Variants in CTBP1 observed in about 807,000 individuals in gnomAD.
CTBP1 encodes C-terminal binding protein 1, also known as C-terminal-binding protein 1.
A neutral mutation model predicts 42.1 loss-of-function variants in CTBP1; 11 were observed. That is an observed-to-expected ratio of 0.26 (90% confidence interval 0.16 to 0.43). CTBP1 has a LOEUF of 0.43. CTBP1 is among the 20% of genes least tolerant of loss of function. The pLI is 1.00. For synonymous variants in CTBP1, 324 were observed against 277.1 expected (o/e 1.17, Z -1.68); for missense variants, 399 against 624.3 (o/e 0.64, Z 3.85).
rs767750268 is a variant in CTBP1 at position 1,212,224 on chromosome 4, G to A, written c.*16C>T. ...GCCCTCTGCCCAGGCGCCGAGGCTGGAGAGCTCCTCCCGGGCTACAACTGG... is the reference window on the plus strand; with the variant it reads ...GCCCTCTGCCCAGGCGCCGAGGCTGAAGAGCTCCTCCCGGGCTACAACTGG... On this transcript the variant is annotated 3_prime_UTR_variant, in exon 10 of 10. Transcript: ENST00000382952. 41 of 1,436,898 alleles carry A rather than the reference G, an allele frequency of 2.9e-5. No individual in the cohort carries two copies. The South Asian group carries it at 4.3e-4, about 15-fold the overall frequency. 89.0% of individuals were successfully genotyped at this position (1,436,898 alleles called of 1,614,324 possible). A position where few individuals can be genotyped will look rare whatever the true frequency, so the allele number is the denominator to read the frequency against.
chr4:1,225,207 C>T (rs1162491212), intron 5 of CTBP1, 153 bp downstream of exon 5: 6 of 876,680 alleles, frequency 6.8e-6, no homozygotes, highest in Non-Finnish European at 1.0e-5. Flanking sequence ...ACTCCCGGGC[C>T]CTGGTGCCTG....
In CTBP1 at chr4:1,241,430, T is replaced by G; in HGVS notation, c.-99A>C. 7 of 1,502,344 alleles carry G rather than the reference T, an allele frequency of 4.7e-6. No homozygotes were observed. The highest frequency in any genetic ancestry group is 6.5e-6 in the Non-Finnish European group (7 of 1,078,770). 93.1% of individuals were successfully genotyped at this position (1,502,344 alleles called of 1,614,324 possible). A position where few individuals can be genotyped will look rare whatever the true frequency, so the allele number is the denominator to read the frequency against. On this transcript the variant is annotated 5_prime_UTR_variant, in exon 2 of 10. Coordinates refer to ENST00000382952, the MANE Select transcript of CTBP1 (RefSeq NM_001012614.2). ...CAGAACCGCGTCCTGTCTCGGAGCC[T>G]CATCCCACGTCCTTAATTGTCTCGA...
In CTBP1 at chr4:1,238,246, G is replaced by T. The variant is rs765660604; in HGVS notation, c.99C>A (p.Ile33=). 3 of 1,612,684 alleles carry T rather than the reference G, an allele frequency of 1.9e-6. No individual in the cohort carries two copies. In the South Asian group the frequency reaches 3.3e-5, roughly 18 times the overall value. ...AGGCCACAGTGGCCACGTCCTTCAG[G>T]ATGGGCATCTCCACTGTGCAGTCCC... ...DGRDCTVEMP[I]LKDVATVAFC... Residue 33 remains isoleucine (I), a synonymous_variant, in exon 3 of 10, where the codon ATC becomes ATA. Coordinates refer to ENST00000382952, the MANE Select transcript of CTBP1 (RefSeq NM_001012614.2). This position sits in a 1 kb window ranked among gnomAD's most constrained non-coding sequence, Gnocchi z 5.9.
At chr4:1,242,169 A>G (rs538264803) in intron 1 of CTBP1, 2 of 985,438 alleles carry the variant, frequency 2.0e-6, no homozygotes, top group East Asian at 2.3e-4. Flanking sequence ...TGAGGGCACG[A>G]ACCCCAGTGG....
upstream of CTBP1, chr4:1,249,718 G>T: frequency 2.5e-6 from 1 of 398,596 alleles, no homozygotes; most frequent in South Asian, 1.7e-5. Context: ...TCCCCAGGCG[G>T]GGGAGCCCCG....
intron 3 of CTBP1, chr4:1,236,200 TG>T: frequency 5.8e-6 from 1 of 172,010 alleles, no homozygotes; most frequent in Non-Finnish European, 1.3e-5. Flanking sequence ...TGTGAGCTCC[TG>T]GGGGCCCAGC....
intron 3 of CTBP1, among the ~76,000 whole-genome samples, chr4:1,230,301 C>T (rs570778735): frequency 1.3e-5 from 2 of 152,292 alleles, no homozygotes; most frequent in African/African-American, 2.4e-5. Context: ...GCGAGCGGTG[C>T]GGCCAGGAAG....
chr4:1,249,698 C>T (rs937579863), upstream of CTBP1: 2 of 413,192 alleles, frequency 4.8e-6, no homozygotes, highest in African/African-American at 2.1e-5. Flanking sequence ...AGCGCGCCTG[C>T]CCCAGTGCGT....
chr4:1,222,214 G>A (rs190399676), intron 5 of CTBP1, among the ~76,000 whole-genome samples: 6 of 152,260 alleles, frequency 3.9e-5, no homozygotes, highest in Admixed American at 2.0e-4. Flanking sequence ...GGGGCGGGGC[G>A]GGGGACGGGA....
chr4:1,227,964 C>A (rs1730560467), intron 4 of CTBP1, among the ~76,000 whole-genome samples: 1 of 152,218 alleles, frequency 6.6e-6, no homozygotes, highest in African/African-American at 2.4e-5. Flanking sequence ...CTGTGTGAAG[C>A]CACAGCTGGA....
rs114189369 is a variant in CTBP1 at position 1,227,210 on chromosome 4, A to G, written c.307+989T>C. Among the ~76,000 whole-genome samples the G allele has an allele frequency of 3.3e-3, 491 of 150,144 alleles. 4 individuals are homozygous for G. Among genetic ancestry groups the G allele is most frequent in the African/African-American group, 0.011 (468 of 40,816 alleles). On this transcript the variant is annotated intron_variant, in intron 4 of 9. Coordinates refer to ENST00000382952, the MANE Select transcript of CTBP1 (RefSeq NM_001012614.2). ...CGTGCGTGTTCCATGAGTGTTCCAT[A>G]TGCTGAGTGCACAAGCAGAGGTGCA...
intron 4 of CTBP1, 142 bp downstream of exon 4, chr4:1,228,057 A>G: frequency 8.8e-7 from 1 of 1,140,644 alleles, no homozygotes; most frequent in South Asian, 1.5e-5. Flanking sequence ...TGCCGGCCCC[A>G]GACGGGACCA....
intron 2 of CTBP1, among the ~76,000 whole-genome samples, chr4:1,239,128 G>T (rs1731890145): frequency 6.6e-6 from 1 of 152,260 alleles, no homozygotes; most frequent in South Asian, 2.1e-4. Context: ...AGAACCAGAT[G>T]ATTAAAGCTC....
intron 5 of CTBP1, among the ~76,000 whole-genome samples, chr4:1,224,484 T>A (rs142448760): frequency 6.6e-6 from 1 of 151,836 alleles, no homozygotes; most frequent in East Asian, 1.9e-4. Context: ...TGTGCTGTGA[T>A]GTCCGTGTGT....
rs189565812 is a variant in CTBP1, at chr4:1,238,505, C to T, written c.8-168G>A. 1.6e-4 allele frequency among the ~76,000 whole-genome samples: 25 copies of T among 152,288 alleles called. No homozygotes were observed. The highest frequency in any genetic ancestry group is 1.2e-3 in the South Asian group (6 of 4,818). On this transcript the variant is annotated intron_variant, in intron 2 of 9. Coordinates refer to ENST00000382952, the MANE Select transcript of CTBP1 (RefSeq NM_001012614.2). This position sits in a 1 kb window ranked among gnomAD's most constrained non-coding sequence, Gnocchi z 5.9. ...GTAAATTAAAAATCCACGTGAAAGA[C>T]AACTCGTGTGTGCCTCAGCTCGCTG...
intron 1 of CTBP1, chr4:1,248,667 G>A: frequency 1.0e-6 from 1 of 983,070 alleles, no homozygotes; most frequent in Non-Finnish European, 1.2e-6. Context: ...TCACCTGCAC[G>A]GGCCGCGGGC....
At chr4:1,245,884 A>G (rs1309930423) in intron 1 of CTBP1, among the ~76,000 whole-genome samples, 3 of 152,256 alleles carry the variant, frequency 2.0e-5, no homozygotes, top group Non-Finnish European at 2.9e-5. Context: ...CGCCTCCCCA[A>G]CCAAACCAAC....
At chr4:1,244,437 C>T (rs1732513402) in intron 1 of CTBP1, 2 of 985,152 alleles carry the variant, frequency 2.0e-6, no homozygotes, top group Middle Eastern at 5.2e-4. Flanking sequence ...TCCCCAGCCT[C>T]AGCACCTGGT....
intron 1 of CTBP1, chr4:1,243,399 G>A: frequency 5.1e-6 from 5 of 985,368 alleles, no homozygotes; most frequent in Non-Finnish European, 6.0e-6. Context: ...TGCCAGACCT[G>A]AGGGGCTGCA....
Sources: gnomAD v4.1 joint callset for allele counts (sites outside exome capture counted in the v4.1 genomes callset) on GRCh38, gnomAD v4.1.1 for gene constraint, Gnocchi (gnomAD v3.1) non-coding constraint, MANE v1.5 for transcripts, NCBI Gene and HGNC (gene_info 2026-07-23, HGNC 2026-07-21) for gene names.